HERC2: variants seen among roughly 807,000 people sequenced by gnomAD.
HERC2 encodes HECT and RLD domain containing E3 ubiquitin protein ligase 2.
A neutral mutation model predicts 537.7 loss-of-function variants in HERC2; 102 were observed. The observed-to-expected ratio is 0.19, with a 90% confidence interval of 0.16 to 0.22. HERC2 has a LOEUF of 0.22. Ranked by LOEUF, HERC2 falls within the 10% of genes least tolerant of loss-of-function variation. The pLI, the probability that HERC2 is intolerant of heterozygous loss-of-function variation, is 1.00. For synonymous variants in HERC2, 2,224 were observed against 2,466.2 expected (o/e 0.90, Z 2.91); for missense variants, 4,236 against 6,198.2 (o/e 0.68, Z 10.63).
intron 48 of HERC2, among the ~76,000 whole-genome samples, chr15:28,199,553 A>G (rs1308958341): frequency 6.6e-6 from 1 of 152,222 alleles, no homozygotes; most frequent in Non-Finnish European, 1.5e-5. Flanking sequence ...AATTCCAGCT[A>G]ATGAACTCAG....
chr15:28,238,829 GAACA>G (rs1902739988), intron 23 of HERC2, 57 bp from the exon 24 acceptor site: 1 of 1,270,732 alleles, frequency 7.9e-7, no homozygotes, highest in African/African-American at 1.5e-5. Flanking sequence ...AAAATGAAAA[GAACA>G]AACTGTGTGA....
At chr15:28,141,651 G>A (rs752083137) in intron 77 of HERC2, 21 bp from the exon 78 acceptor site, 5 of 1,613,656 alleles carry the variant, frequency 3.1e-6, no homozygotes, top group Non-Finnish European at 3.4e-6. Context: ...CATCAAGTGA[G>A]CATTTGCCAT....
At chr15:28,203,584 G>A (rs1418465213) in intron 45 of HERC2, 1 of 151,994 alleles carries the variant, frequency 6.6e-6, no homozygotes, top group East Asian at 1.9e-4. Context: ...AACAGCTGAC[G>A]CAATCAGCAA....
Position 28,248,629 on chromosome 15 carries a change from A to T in HERC2, c.3158T>A (p.Leu1053Ter). The T allele has an allele frequency of 6.2e-7, 1 of 1,614,036 alleles. No individual in the cohort carries two copies. Among genetic ancestry groups the T allele is most frequent in the Non-Finnish European group, 8.5e-7 (1 of 1,179,866 alleles). The change falls in exon 21 of 93, where the codon TTG becomes TAG. Residue 1053 changes from leucine to a stop codon, truncating the protein, a stop_gained. Transcript: ENST00000261609. LOFTEE classifies it high-confidence loss of function. ...HSRERSASLD[L>*]LLRFQRLLIS... ...AAGCAAACGTTGAAAACGCAGTAAC[A>T]AATCCAATGAAGCAGATCTTTCACG...
intron 79 of HERC2, among the ~76,000 whole-genome samples, chr15:28,134,132 T>C (rs562250019): frequency 3.4e-4 from 52 of 152,356 alleles, no homozygotes; most frequent in African/African-American, 1.2e-3. Context: ...TTTAGGTTTT[T>C]TAAAAATTAT....
chr15:28,210,958 TA>T (rs1432821716), intron 44 of HERC2, 43 bp downstream of exon 44: 4 of 947,266 alleles, frequency 4.2e-6, no homozygotes, highest in Admixed American at 1.7e-5. Flanking sequence ...GTCTACTTTC[TA>T]CTGCCCTTCT....
intron 92 of HERC2, among the ~76,000 whole-genome samples, chr15:28,112,517 G>A (rs746016534): frequency 2.6e-5 from 4 of 152,238 alleles, no homozygotes; most frequent in Admixed American, 6.5e-5. Context: ...TGGCAGAGAC[G>A]CAGGTCAGGC....
In HERC2 at chr15:28,228,392, G is replaced by A. The variant is rs1901466279; in HGVS notation, c.5290C>T (p.Leu1764=). 1 of 1,612,030 alleles carries A rather than the reference G, an allele frequency of 6.2e-7. No homozygotes were observed. Among genetic ancestry groups the A allele is most frequent in the Admixed American group, 1.7e-5 (1 of 60,016 alleles). The change falls in exon 35 of 93, where the codon CTG becomes TTG. Residue 1764 remains leucine, a synonymous_variant. Transcript: ENST00000261609. Reference sequence around the variant, plus strand: ...GGGTTCTCATTGGTGATGGTTTGCAGGGGAACCGGCTGGATACCTAATGAG... The same window carrying A: ...GGGTTCTCATTGGTGATGGTTTGCAAGGGAACCGGCTGGATACCTAATGAG... The part of the protein sequence containing the change: ...FKELGIQPVP[L]QTITNENPSG...
At chr15:28,294,074 A>G (rs1332160278) in intron 3 of HERC2, among the ~76,000 whole-genome samples, 1 of 152,360 alleles carries the variant, frequency 6.6e-6, no homozygotes, top group East Asian at 1.9e-4. Context: ...CGAAGGAAAC[A>G]GTTCCTCTGT....
intron 35 of HERC2, 93 bp downstream of exon 35, chr15:28,228,125 G>T (rs1402665065): frequency 1.9e-6 from 2 of 1,080,776 alleles, no homozygotes; most frequent in Non-Finnish European, 2.6e-6. Context: ...TTTACAAAAA[G>T]CTTTAAAAAA....
chr15:28,235,548 G>A (rs541010417), intron 26 of HERC2, among the ~76,000 whole-genome samples: 316 of 152,200 alleles, frequency 2.1e-3, no homozygotes, highest in Middle Eastern at 0.017. Flanking sequence ...AGCCTTCTGC[G>A]ACACCCACTC....
At chr15:28,128,090 G>A (rs1446337070) in intron 83 of HERC2, among the ~76,000 whole-genome samples, 3 of 152,124 alleles carry the variant, frequency 2.0e-5, no homozygotes, top group African/African-American at 7.2e-5. Context: ...CCGAATCTAC[G>A]CAGAAACATC....
At chr15:28,140,179 A>G (rs1891069530) in intron 78 of HERC2, among the ~76,000 whole-genome samples, 1 of 152,172 alleles carries the variant, frequency 6.6e-6, no homozygotes, top group Non-Finnish European at 1.5e-5. Flanking sequence ...AGAAGGAAAC[A>G]TGCCTAATCT....
chr15:28,131,754 C>CCACTT (rs1218997283), intron 81 of HERC2, among the ~76,000 whole-genome samples: 3 of 152,150 alleles, frequency 2.0e-5, no homozygotes, highest in African/African-American at 4.8e-5. Flanking sequence ...CAACTCCACA[C>CCACTT]CACTGTAAAC....
At position 28,260,845 on chromosome 15, in the gene HERC2, G is replaced by A. The variant is rs370419286; in HGVS notation, c.2248C>T (p.Pro750Ser). 2 of 1,614,220 alleles carry A rather than the reference G, an allele frequency of 1.2e-6. No homozygotes were observed. Among genetic ancestry groups the A allele is most frequent in the Non-Finnish European group, 1.7e-6 (2 of 1,180,038 alleles). The stretch of plus-strand genomic sequence containing the variant: ...AGTCCTGGCAATGCTGCAGGTTCTG[G>A]CTTGGTCACGCGCAAGGTGTCAAAG... ...QHFDTLRVTK[P>S]EPAALPGLDT... The change falls in exon 16 of 93, where the codon CCA (proline) becomes TCA (serine). Residue 750 changes from proline (P) to serine (S), a missense_variant. Transcript: ENST00000261609.
chr15:28,307,829 T>C (rs1457123645), intron 2 of HERC2, among the ~76,000 whole-genome samples: 1 of 152,236 alleles, frequency 6.6e-6, no homozygotes, highest in Admixed American at 6.5e-5. Flanking sequence ...CCAGTGTATG[T>C]TCTTGGTACC....
intron 16 of HERC2, among the ~76,000 whole-genome samples, chr15:28,259,836 T>C (rs550951542): frequency 6.6e-6 from 1 of 150,964 alleles, no homozygotes; most frequent in South Asian, 2.1e-4. Flanking sequence ...GGCATGGTAG[T>C]GCACACCTAT....
chr15:28,292,812 C>T (rs1168167799), intron 4 of HERC2, 76 bp downstream of exon 4: 2 of 1,411,944 alleles, frequency 1.4e-6, no homozygotes, highest in Non-Finnish European at 9.7e-7. Flanking sequence ...CAAAAAAATA[C>T]TAAGAATCCA....
At position 28,115,325 on chromosome 15, in the gene HERC2, G is replaced by A. The variant is rs1888105647; in HGVS notation, c.13722+104C>T. On this transcript the variant is annotated intron_variant, in intron 89 of 92. Transcript: ENST00000261609. Reference sequence around the variant, plus strand: ...CAGCCAACAGCCTCTGCGTCACCTGGGCACTGAGATTAGGCCAGAGTTCAC... The same window carrying A: ...CAGCCAACAGCCTCTGCGTCACCTGAGCACTGAGATTAGGCCAGAGTTCAC... 6.4e-6 allele frequency: 4 copies of A among 622,532 alleles called. No homozygotes were observed. In the Admixed American group the frequency reaches 8.9e-5, roughly 14 times the overall value. The allele number at this position is 622,532 out of a possible 1,614,324, so 38.6% of individuals were successfully genotyped here. A position where few individuals can be genotyped will look rare whatever the true frequency, so the allele number is the denominator to read the frequency against.
Sources: gnomAD v4.1 joint callset for allele counts (sites outside exome capture counted in the v4.1 genomes callset) on GRCh38, gnomAD v4.1.1 for gene constraint, MANE v1.5 for transcripts, NCBI Gene and HGNC (gene_info 2026-07-23, HGNC 2026-07-21) for gene names.